Variants in KPNA6 observed in about 807,000 individuals in gnomAD.
KPNA6 encodes the protein importin subunit alpha-7.
In KPNA6, 9 loss-of-function variants were observed where a neutral mutation model predicts 72.0. That is an observed-to-expected ratio of 0.13 (90% CI 0.08 to 0.22). The LOEUF (loss-of-function observed/expected upper bound fraction) is 0.22. Among genes scored for constraint, KPNA6 ranks in the 10% least tolerant of loss-of-function variants. The probability of loss-of-function intolerance (pLI) is 1.00; values close to 1 mark genes in which losing one functional copy is unlikely to be tolerated. For synonymous variants in KPNA6, 219 were observed against 242.1 expected, an observed-to-expected ratio of 0.90 and a Z score of 0.89; for missense variants, 374 against 655.7, an observed-to-expected ratio of 0.57 and a Z score of 4.69.
chr1:32,132,296 G>GTGTTTTGTTT (rs915148252), intron 1 of KPNA6, among the ~76,000 whole-genome samples: 17 of 151,270 alleles, frequency 1.1e-4, no homozygotes, highest in Middle Eastern at 3.6e-3. Flanking sequence ...AAGCATTAAA[G>GTGTTTTGTTT]TGTTTTGTTT....
At chr1:32,167,049 C>G (rs1642352818) in intron 11 of KPNA6, 120 bp from the exon 12 acceptor site, 1 of 1,320,558 alleles carries the variant, frequency 7.6e-7, no homozygotes, top group Admixed American at 2.1e-5. Flanking sequence ...ATAGGAAGAA[C>G]AAAAGAAAAC....
At position 32,167,232 on chromosome 1, in the gene KPNA6, A is replaced by G. The variant is rs745454560; in HGVS notation, c.1180A>G (p.Thr394Ala). 5.6e-5 allele frequency: 90 copies of G among 1,613,976 alleles called. 1 individual carries two copies. The highest frequency in any genetic ancestry group is 5.1e-6 in the Non-Finnish European group (6 of 1,179,984). Residue 394 changes from threonine to alanine, a missense_variant, in exon 12 of 14, where the codon ACA (threonine) becomes GCA (alanine). Around this residue, in one of 3 missense-constraint regions of KPNA6, gnomAD observed 298 missense variants for 495.4 expected, o/e 0.60. Transcript: ENST00000373625. ...IEILQKAEFR[T>A]RKEAAWAITN... ...AATCCTTCAGAAAGCAGAGTTTCGTACAAGGAAAGAGGCAGCCTGGGCCAT... is the reference window on the plus strand; with the variant it reads ...AATCCTTCAGAAAGCAGAGTTTCGTGCAAGGAAAGAGGCAGCCTGGGCCAT...
intron 1 of KPNA6, among the ~76,000 whole-genome samples, chr1:32,153,777 C>T (rs973289906): frequency 1.3e-5 from 2 of 152,106 alleles, no homozygotes; most frequent in Non-Finnish European, 2.9e-5. Context: ...AGTGGCAGTA[C>T]TATGGAAGAC....
At chr1:32,149,508 G>A (rs570722838) in intron 1 of KPNA6, among the ~76,000 whole-genome samples, 29 of 152,280 alleles carry the variant, frequency 1.9e-4, no homozygotes, top group Non-Finnish European at 3.2e-4. Context: ...TTATAGGCTT[G>A]AGCTACCACA....
At chr1:32,167,353 C>T in intron 12 of KPNA6, 57 bp downstream of exon 12, 1 of 1,606,356 alleles carries the variant, frequency 6.2e-7, no homozygotes, top group South Asian at 1.1e-5. Flanking sequence ...CCTGTTTGCT[C>T]ATGGTTTACA....
rs1166539430 is a variant in KPNA6, at chr1:32,169,812, T to G, written c.1245-70T>G. 5 of 1,395,856 alleles carry G rather than the reference T, an allele frequency of 3.6e-6. No individual in the cohort carries two copies. In the African/African-American group the frequency reaches 7.2e-5, roughly 20 times the overall value. 86.5% of individuals were successfully genotyped at this position (1,395,856 alleles called of 1,614,324 possible). On this transcript the variant is annotated intron_variant, in intron 12 of 13. Coordinates refer to ENST00000373625, the MANE Select transcript of KPNA6 (RefSeq NM_012316.5). ...ATTAGTAAGAGTGGGTTGCTGAGAG[T>G]TCAGAGCACCTGCCCAGCACTTCAT...
chr1:32,124,032 CAAAA>C (rs771086945), intron 1 of KPNA6, among the ~76,000 whole-genome samples: 3 of 43,122 alleles, frequency 7.0e-5, no homozygotes, highest in South Asian at 8.0e-4. Context: ...GACTCTGTCT[CAAAA>C]AAAAAAAAAA....
chr1:32,112,341 G>A lies in KPNA6; in HGVS notation c.4+4207G>A, dbSNP rs1641255637. On this transcript the variant is annotated intron_variant, in intron 1 of 13. Transcript: ENST00000373625. ...GAGGCATACCTCAGAGCTAAGGCAA[G>A]TTTGGTTCCAGACCACTGCAATAAA... is the stretch of plus-strand genomic sequence containing the variant. Among the ~76,000 whole-genome samples, 4 of 152,302 alleles carry A rather than the reference G, an allele frequency of 2.6e-5. No individual in the cohort carries two copies. In the South Asian group the frequency reaches 8.3e-4, roughly 32 times the overall value.
intron 1 of KPNA6, among the ~76,000 whole-genome samples, chr1:32,152,534 T>C (rs754942705): frequency 1.3e-5 from 2 of 151,984 alleles, no homozygotes; most frequent in Non-Finnish European, 2.9e-5. Flanking sequence ...TTTATAAGCC[T>C]TAGAAAGGTA....
In KPNA6 at chr1:32,171,773, C is replaced by T. The variant is rs1261804837; in HGVS notation, c.*879C>T. On this transcript the variant is annotated 3_prime_UTR_variant, in exon 14 of 14. Transcript: ENST00000373625. ...CCTTCCAAATGGTGCGACCCAACTT[C>T]ATTTGTTTACTTGAAAATTCCCCCT... 7 of 152,320 alleles carry T rather than the reference C, an allele frequency of 4.6e-5. No homozygotes were observed. The highest frequency in any genetic ancestry group is 1.7e-4 in the African/African-American group (7 of 41,582). The allele number at this position is 152,320 out of a possible 1,614,324, so 9.4% of individuals were successfully genotyped here. A position where few individuals can be genotyped will look rare whatever the true frequency, so the allele number is the denominator to read the frequency against.
chr1:32,115,599 A>G (rs1022500854), intron 1 of KPNA6, among the ~76,000 whole-genome samples: 3 of 151,292 alleles, frequency 2.0e-5, no homozygotes, highest in Admixed American at 6.6e-5. Context: ...AGCCAATTTT[A>G]AATTTTTGTG....
intron 1 of KPNA6, among the ~76,000 whole-genome samples, chr1:32,125,099 C>T (rs1439395459): frequency 6.6e-6 from 1 of 152,240 alleles, no homozygotes; most frequent in Non-Finnish European, 1.5e-5. Context: ...CCCGCCTCGG[C>T]CTCCCAAAGT....
intron 10 of KPNA6, among the ~76,000 whole-genome samples, chr1:32,163,731 G>A (rs1642283138): frequency 6.6e-6 from 1 of 152,138 alleles, no homozygotes; most frequent in African/African-American, 2.4e-5. Flanking sequence ...AACCCTTCTG[G>A]TGAAGGCATA....
chr1:32,159,075 C>T lies in KPNA6; in HGVS notation c.427-325C>T, dbSNP rs145865724. On this transcript the variant is annotated intron_variant, in intron 5 of 13. Transcript: ENST00000373625. The stretch of plus-strand genomic sequence containing the variant: ...TTTCAGAAATGAAGAAAGTGAAGCT[C>T]AGGAAATAAAAGAGTGACCTGGCAA... Among the ~76,000 whole-genome samples, 277 of 152,252 alleles carry T rather than the reference C, an allele frequency of 1.8e-3. 1 individual carries two copies. The highest frequency in any genetic ancestry group is 5.4e-3 in the South Asian group (26 of 4,828).
At chr1:32,150,586 A>G (rs762085463) in intron 1 of KPNA6, among the ~76,000 whole-genome samples, 3 of 151,822 alleles carry the variant, frequency 2.0e-5, no homozygotes, top group African/African-American at 7.3e-5. Context: ...TTTTTCTCCT[A>G]TGGGTCACAA....
At chr1:32,134,684 TA>T (rs1641701829) in intron 1 of KPNA6, among the ~76,000 whole-genome samples, 1 of 151,300 alleles carries the variant, frequency 6.6e-6, no homozygotes, top group Non-Finnish European at 1.5e-5. Flanking sequence ...TGATATATGT[TA>T]AAACATGGAT....
At chr1:32,149,435 A>G (rs1304745642) in intron 1 of KPNA6, among the ~76,000 whole-genome samples, 1 of 152,156 alleles carries the variant, frequency 6.6e-6, no homozygotes, top group African/African-American at 2.4e-5. Flanking sequence ...TATGTTGCCC[A>G]GGATGGTCTC....
intron 1 of KPNA6, among the ~76,000 whole-genome samples, chr1:32,129,169 C>CTT (rs568094887): frequency 2.3e-5 from 3 of 129,786 alleles, no homozygotes; most frequent in South Asian, 2.5e-4. Flanking sequence ...TTTTTTCTTT[C>CTT]TTTTTTTTTT....
intron 1 of KPNA6, among the ~76,000 whole-genome samples, chr1:32,146,426 T>C (rs1641930597): frequency 6.6e-6 from 1 of 152,210 alleles, no homozygotes; most frequent in African/African-American, 2.4e-5. Context: ...GCTCTCTTTA[T>C]TCCCTTCTCA....
Sources: gnomAD v4.1 joint callset for allele counts (sites outside exome capture counted in the v4.1 genomes callset) on GRCh38, gnomAD v4.1.1 for gene constraint, gnomAD v4.1.1 regional missense constraint, MANE v1.5 for transcripts, NCBI Gene and HGNC (gene_info 2026-07-23, HGNC 2026-07-21) for gene names.